B3GAT2: variants seen among roughly 807,000 people sequenced by gnomAD.
B3GAT2 encodes the protein galactosylgalactosylxylosylprotein 3-beta-glucuronosyltransferase 2.
In B3GAT2, 26 loss-of-function variants were observed where a neutral mutation model predicts 27.8. The observed-to-expected ratio is 0.93, with a 90% CI of 0.68 to 1.30. The LOEUF is 1.30. Ranked by LOEUF, B3GAT2 falls within the 50% of genes most tolerant of loss-of-function variation. The pLI, the probability that B3GAT2 is intolerant of heterozygous loss-of-function variation, is 0.00. For synonymous variants in B3GAT2, 218 were observed against 195.1 expected, an observed-to-expected ratio of 1.12 and a Z score of -0.98; for missense variants, 458 against 459.0, an observed-to-expected ratio of 1.00 and a Z score of 0.02.
intron 1 of B3GAT2, among the ~76,000 whole-genome samples, chr6:70,922,626 A>G (rs1350254104): frequency 6.6e-6 from 1 of 152,124 alleles, no homozygotes; most frequent in Non-Finnish European, 1.5e-5. Context: ...AATATTCTGA[A>G]TATAAAAATA....
At chr6:70,941,477 G>A (rs931191983) in intron 1 of B3GAT2, among the ~76,000 whole-genome samples, 6 of 152,022 alleles carry the variant, frequency 3.9e-5, no homozygotes, top group African/African-American at 4.8e-5. Context: ...CCTCTCACAC[G>A]TGTGAAGAGG....
chr6:70,891,422 T>C (rs888322970), intron 2 of B3GAT2, among the ~76,000 whole-genome samples: 2 of 152,238 alleles, frequency 1.3e-5, no homozygotes, highest in Admixed American at 6.5e-5. Flanking sequence ...CAATGTTTCA[T>C]GTCACCTGAG....
At chr6:70,879,802 A>G (rs1231713993) in intron 2 of B3GAT2, among the ~76,000 whole-genome samples, 4 of 152,050 alleles carry the variant, frequency 2.6e-5, no homozygotes, top group African/African-American at 7.2e-5. Flanking sequence ...CCAGGCAGAG[A>G]CAAGTACACG....
rs1382933358 is a variant in B3GAT2, at chr6:70,956,463, A to C, written c.-34T>G. On this transcript the variant is annotated 5_prime_UTR_variant, in exon 1 of 4. Coordinates refer to ENST00000230053, the MANE Select transcript of B3GAT2 (RefSeq NM_080742.3). ...CTCCCTGGCCTCTCGGACACCCCAG[A>C]GAGGGGCGAGCCGAGGGACCCCAGT... The C allele has an allele frequency of 6.5e-7, 1 of 1,549,608 alleles. No homozygotes were observed. The highest frequency in any genetic ancestry group is 8.7e-7 in the Non-Finnish European group (1 of 1,146,586).
intron 1 of B3GAT2, among the ~76,000 whole-genome samples, chr6:70,932,581 T>C (rs1773078701): frequency 6.6e-6 from 1 of 152,178 alleles, no homozygotes; most frequent in Admixed American, 6.5e-5. Flanking sequence ...ATGAGGTACC[T>C]AGTCCGATTC....
chr6:70,874,068 T>C (rs1470546807), intron 2 of B3GAT2, among the ~76,000 whole-genome samples: 1 of 152,206 alleles, frequency 6.6e-6, no homozygotes, highest in African/African-American at 2.4e-5. Flanking sequence ...CAGGGACAGT[T>C]TCTATCAACT....
chr6:70,862,175 C>T (rs779803703), intron 2 of B3GAT2, among the ~76,000 whole-genome samples, 197 bp from the exon 3 acceptor site: 7 of 152,012 alleles, frequency 4.6e-5, no homozygotes, highest in African/African-American at 9.7e-5. Flanking sequence ...TTTTACATTC[C>T]GTGTAAAATA....
In B3GAT2 at chr6:70,860,860, A is replaced by T. The variant is rs559366730; in HGVS notation, c.*803T>A. The stretch of plus-strand genomic sequence containing the variant: ...GTGCTGTTGTTATGATGTGCTTAAC[A>T]GGGAACGTGATTAGTGAAAGGAAGA... On this transcript the variant is annotated 3_prime_UTR_variant, in exon 4 of 4. Transcript: ENST00000230053. 97 of 394,586 alleles carry T rather than the reference A, an allele frequency of 2.5e-4. No individual in the cohort carries two copies. Among genetic ancestry groups the T allele is most frequent in the Admixed American group, 1.2e-3 (27 of 22,652 alleles). 24.4% of individuals were successfully genotyped at this position (394,586 alleles called of 1,614,324 possible). A position where few individuals can be genotyped will look rare whatever the true frequency, so the allele number is the denominator to read the frequency against.
At chr6:70,889,508 G>A (rs1772249558) in intron 2 of B3GAT2, among the ~76,000 whole-genome samples, 1 of 152,120 alleles carries the variant, frequency 6.6e-6, no homozygotes. Context: ...GCTGGTGATA[G>A]GCCGTAGGCG....
At position 70,857,008 on chromosome 6, in the gene B3GAT2, C is replaced by T; in HGVS notation, c.*4655G>A. On this transcript the variant is annotated 3_prime_UTR_variant, in exon 4 of 4. Transcript: ENST00000230053. ...TCTTATCTCTGTATGGCACAGGAAC[C>T]ATTCAACAGCAAAGTACTCCTGGTA... 2 of 1,609,944 alleles carry T rather than the reference C, an allele frequency of 1.2e-6. No homozygotes were observed. Among genetic ancestry groups the T allele is most frequent in the Non-Finnish European group, 8.5e-7 (1 of 1,177,862 alleles).
At chr6:70,935,007 G>T (rs1773119976) in intron 1 of B3GAT2, among the ~76,000 whole-genome samples, 1 of 152,032 alleles carries the variant, frequency 6.6e-6, no homozygotes, top group African/African-American at 2.4e-5. Flanking sequence ...GATAGCCACA[G>T]GATTATAAAA....
At chr6:70,940,907 A>T (rs1375761448) in intron 1 of B3GAT2, among the ~76,000 whole-genome samples, 1 of 152,146 alleles carries the variant, frequency 6.6e-6, no homozygotes, top group Non-Finnish European at 1.5e-5. Flanking sequence ...GCTACATGTA[A>T]GTCAACTTCC....
chr6:70,898,089 T>C (rs1772424158), intron 1 of B3GAT2, among the ~76,000 whole-genome samples: 1 of 152,228 alleles, frequency 6.6e-6, no homozygotes, highest in African/African-American at 2.4e-5. Flanking sequence ...TTGTTTTGAC[T>C]GTTATAGATC....
chr6:70,894,014 T>C, intron 2 of B3GAT2, 114 bp downstream of exon 2: 1 of 1,160,556 alleles, frequency 8.6e-7, no homozygotes, highest in South Asian at 2.4e-5. Context: ...TATGATATGA[T>C]GTAGGGTTTT....
Position 70,861,639 on chromosome 6 carries a change from A to G in B3GAT2, c.*24T>C, listed in dbSNP as rs1771733325. 7 of 1,606,272 alleles carry G rather than the reference A, an allele frequency of 4.4e-6. No individual in the cohort carries two copies. In the East Asian group the frequency reaches 1.6e-4, roughly 36 times the overall value. ...TCCATATGGATCCACTGGCTGGACA[A>G]ACTGCACCAGTTGCTGCTTCAATTT... On this transcript the variant is annotated 3_prime_UTR_variant, in exon 4 of 4. Transcript: ENST00000230053.
rs541232454 is a variant in B3GAT2 at position 70,953,970 on chromosome 6, C to T, written c.591+1869G>A. On this transcript the variant is annotated intron_variant, in intron 1 of 3. Coordinates refer to ENST00000230053, the MANE Select transcript of B3GAT2 (RefSeq NM_080742.3). ...GTGTCCTGAATCATTTCACTGCCTG[C>T]GTGTGCCAATTCTTCTAACACCTCA... 1.7e-3 allele frequency among the ~76,000 whole-genome samples: 262 copies of T among 152,286 alleles called. 1 individual carries two copies. Among genetic ancestry groups the T allele is most frequent in the Non-Finnish European group, 2.6e-3 (180 of 68,034 alleles).
intron 2 of B3GAT2, among the ~76,000 whole-genome samples, chr6:70,872,782 T>C (rs1771958575): frequency 6.6e-6 from 1 of 151,976 alleles, no homozygotes; most frequent in Non-Finnish European, 1.5e-5. Flanking sequence ...ATTACTGCCT[T>C]CTTTATTATT....
chr6:70,954,804 C>T (rs1316121750), intron 1 of B3GAT2, among the ~76,000 whole-genome samples: 2 of 151,840 alleles, frequency 1.3e-5, no homozygotes, highest in Non-Finnish European at 2.9e-5. Context: ...CAGAAGAAAA[C>T]TGAGAAAACC....
chr6:70,861,015 A>G lies in B3GAT2; in HGVS notation c.*648T>C, dbSNP rs781727552. ...TAACATGAAGACCTTTTTCTGCACT[A>G]TATGCAAACAGGGTAACTAACTAAA... On this transcript the variant is annotated 3_prime_UTR_variant, in exon 4 of 4. Transcript: ENST00000230053. The G allele has an allele frequency of 1.1e-4, 29 of 275,458 alleles. No homozygotes were observed. Among genetic ancestry groups the G allele is most frequent in the South Asian group, 3.4e-4 (2 of 5,892 alleles). 17.1% of individuals were successfully genotyped at this position (275,458 alleles called of 1,614,324 possible).
Sources: gnomAD v4.1 joint callset for allele counts (sites outside exome capture counted in the v4.1 genomes callset) on GRCh38, gnomAD v4.1.1 for gene constraint, MANE v1.5 for transcripts, NCBI Gene and HGNC (gene_info 2026-07-23, HGNC 2026-07-21) for gene names.